Variants in THOC7 observed in about 807,000 individuals in gnomAD.
THOC7 encodes the protein NIF3L1-binding protein 1.
In THOC7, 22 loss-of-function variants were observed where a neutral mutation model predicts 33.1. That is an observed-to-expected ratio of 0.66 (90% CI 0.47 to 0.95). The LOEUF (loss-of-function observed/expected upper bound fraction) is 0.95, where lower values mean the gene tolerates loss of function less well. Among genes scored for constraint, THOC7 ranks in the 40% least tolerant of loss-of-function variants. THOC7 has a pLI of 0.00. For missense variants in THOC7, 184 were observed against 245.3 expected (o/e 0.75, Z 1.67); for synonymous variants, 77 against 76.8 (o/e 1.00, Z -0.01).
chr3:63,844,515 A>T (rs1701844561), intron 1 of THOC7, among the ~76,000 whole-genome samples: 1 of 152,234 alleles, frequency 6.6e-6, no homozygotes, highest in Admixed American at 6.5e-5. Flanking sequence ...ATAAAAAAGA[A>T]GGAAGTTTAA....
chr3:63,853,578 C>T (rs1337048134), intron 1 of THOC7, among the ~76,000 whole-genome samples: 3 of 151,990 alleles, frequency 2.0e-5, no homozygotes, highest in African/African-American at 4.8e-5. Flanking sequence ...GTCTATAGTA[C>T]GAAAACAAAA....
intron 1 of THOC7, among the ~76,000 whole-genome samples, chr3:63,858,932 C>CTTTAT (rs1279179747): frequency 6.6e-6 from 1 of 152,188 alleles, no homozygotes; most frequent in Non-Finnish European, 1.5e-5. Context: ...TAAAGGGCTG[C>CTTTAT]TTCTTCAAGA....
intron 1 of THOC7, chr3:63,845,216 T>A: frequency 2.1e-6 from 1 of 472,778 alleles, no homozygotes; most frequent in Non-Finnish European, 3.8e-6. Flanking sequence ...GCTTTGGGGG[T>A]ATCAAGATTA....
chr3:63,841,211 G>C (rs1468426487), intron 1 of THOC7, among the ~76,000 whole-genome samples: 3 of 152,164 alleles, frequency 2.0e-5, no homozygotes, highest in Non-Finnish European at 4.4e-5. Flanking sequence ...AGGAGGCTTT[G>C]CGTGTGTGCA....
At chr3:63,842,474 TA>T (rs1701786825) in intron 1 of THOC7, among the ~76,000 whole-genome samples, 2 of 152,010 alleles carry the variant, frequency 1.3e-5, no homozygotes, top group East Asian at 1.9e-4. Context: ...AATGAGTGAA[TA>T]AAGAAAATGT....
chr3:63,862,448 C>T (rs1702243466), intron 1 of THOC7, among the ~76,000 whole-genome samples: 1 of 152,186 alleles, frequency 6.6e-6, no homozygotes, highest in South Asian at 2.1e-4. Flanking sequence ...TCCCTTCAGA[C>T]CAAAATTTTG....
intron 1 of THOC7, chr3:63,861,535 G>A (rs1255218113): frequency 6.6e-6 from 1 of 152,204 alleles, no homozygotes; most frequent in Non-Finnish European, 1.5e-5. Context: ...TGCAGAAGTA[G>A]CAGACACAGG....
At chr3:63,855,007 CAA>C (rs758785703) in intron 1 of THOC7, among the ~76,000 whole-genome samples, 15 of 91,494 alleles carry the variant, frequency 1.6e-4, no homozygotes, top group Non-Finnish European at 1.4e-4. Flanking sequence ...GACTCCGTCT[CAA>C]AAAAAAAAAA....
chr3:63,859,015 A>G (rs1484088638), intron 1 of THOC7, among the ~76,000 whole-genome samples: 1 of 152,186 alleles, frequency 6.6e-6, no homozygotes, highest in Non-Finnish European at 1.5e-5. Context: ...AGGCACATCA[A>G]ATTTGTAAAA....
At chr3:63,860,953 T>C (rs1462307463) in intron 1 of THOC7, 2 of 151,966 alleles carry the variant, frequency 1.3e-5, no homozygotes, top group Non-Finnish European at 2.9e-5. Flanking sequence ...TGTCACCTGA[T>C]AGAAAAGGCA....
Position 63,857,012 on chromosome 3 carries a change from C to T in THOC7, c.19+6760G>A, listed in dbSNP as rs1318936375. On this transcript the variant is annotated intron_variant, in intron 1 of 7. Transcript: ENST00000295899. Reference sequence around the variant, plus strand: ...GGATTACAGGCGTGAGCCACCTTGCCCGGCCTCATTATAGATATTCTTATC... The same window carrying T: ...GGATTACAGGCGTGAGCCACCTTGCTCGGCCTCATTATAGATATTCTTATC... 1.3e-5 allele frequency among the ~76,000 whole-genome samples: 2 copies of T among 152,198 alleles called. 1 individual carries two copies. The highest frequency in any genetic ancestry group is 6.3e-3 in the Middle Eastern group (2 of 316).
intron 1 of THOC7, chr3:63,854,553 T>C (rs2107158671): frequency 6.6e-6 from 1 of 152,344 alleles, no homozygotes; most frequent in South Asian, 2.1e-4. Context: ...TTACTTTCTT[T>C]ACTATGAGGA....
chr3:63,857,809 A>C (rs867314840), intron 1 of THOC7, among the ~76,000 whole-genome samples: 1 of 152,234 alleles, frequency 6.6e-6, no homozygotes, highest in Admixed American at 6.5e-5. Context: ...GCAAAACATC[A>C]TGTTGAGGTC....
chr3:63,845,945 G>A lies in THOC7; in HGVS notation c.20-6172C>T, dbSNP rs141259217. Among the ~76,000 whole-genome samples, 624 of 152,262 alleles carry A rather than the reference G, an allele frequency of 4.1e-3. 3 individuals carry two copies. The highest frequency in any genetic ancestry group is 0.015 in the African/African-American group (605 of 41,544). Reference sequence around the variant, plus strand: ...CACATGAAAAAGACTATTCATCTAAGAAGTGCACTCGAACCCCGAGCCTCC... The same window carrying A: ...CACATGAAAAAGACTATTCATCTAAAAAGTGCACTCGAACCCCGAGCCTCC... On this transcript the variant is annotated intron_variant, in intron 1 of 7. Coordinates refer to ENST00000295899, the MANE Select transcript of THOC7 (RefSeq NM_025075.4).
intron 1 of THOC7, 63 bp from the exon 2 acceptor site, chr3:63,839,836 G>A (rs1701722185): frequency 7.6e-7 from 1 of 1,310,226 alleles, no homozygotes; most frequent in Non-Finnish European, 1.1e-6. Context: ...CAAATAACCA[G>A]TATCACTGTT....
chr3:63,842,328 A>T (rs1575806315), intron 1 of THOC7, among the ~76,000 whole-genome samples: 1 of 152,174 alleles, frequency 6.6e-6, no homozygotes, highest in African/African-American at 2.4e-5. Flanking sequence ...GTTGGTGAGG[A>T]TGTGGAGAAA....
At chr3:63,841,855 A>G (rs564696986) in intron 1 of THOC7, among the ~76,000 whole-genome samples, 1 of 152,288 alleles carries the variant, frequency 6.6e-6, no homozygotes, top group East Asian at 1.9e-4. Context: ...TAGTGGGTGA[A>G]TCTGGTGGCA....
At chr3:63,838,314 T>C in intron 3 of THOC7, 58 bp downstream of exon 3, 2 of 1,204,406 alleles carry the variant, frequency 1.7e-6, no homozygotes, top group South Asian at 1.5e-5. Context: ...TTAGCAGGTA[T>C]TGTTTCCTTT....
rs756154427 is a variant in THOC7, at chr3:63,838,374, A to G, written c.263T>C (p.Ile88Thr). 7.3e-6 allele frequency: 11 copies of G among 1,498,560 alleles called. No homozygotes were observed. In the South Asian group the frequency reaches 1.3e-4, roughly 18 times the overall value. 92.8% of individuals were successfully genotyped at this position (1,498,560 alleles called of 1,614,324 possible). The change falls in exon 3 of 8, where the codon ATA becomes ACA. Residue 88 changes from isoleucine to threonine, a missense_variant and splice_region_variant. By Grantham distance (89) the Ile-to-Thr change is moderately conservative. Coordinates refer to ENST00000295899, the MANE Select transcript of THOC7 (RefSeq NM_025075.4). ...ATAGAAACATTAAGATTCTTTACCT[A>G]TTTCCTTGTAAATTTTTTCATAATT... ...MENYEKIYKE[I>T]ECSIAGAHEK...
Sources: allele counts gnomAD v4.1 joint callset (sites outside exome capture counted in the v4.1 genomes callset), GRCh38; gene constraint gnomAD v4.1.1; transcripts MANE v1.5; gene names NCBI Gene and HGNC (gene_info 2026-07-23, HGNC 2026-07-21).